The following RAB3C variants were observed in gnomAD, a reference collection of about 807,000 sequenced individuals.
RAB3C encodes ras-related protein Rab-3C.
A neutral mutation model predicts 26.4 loss-of-function variants in RAB3C; 17 were observed. The observed-to-expected ratio is 0.64, with a 90% CI of 0.44 to 0.97. RAB3C has a LOEUF of 0.97. Ranked by LOEUF, RAB3C falls within the 50% of genes least tolerant of loss-of-function variation. The probability of loss-of-function intolerance (pLI) is 0.00; values close to 1 mark genes in which losing one functional copy is unlikely to be tolerated. For missense variants in RAB3C, 242 were observed against 281.9 expected, an observed-to-expected ratio of 0.86 and a Z score of 1.01; for synonymous variants, 91 against 95.9, an observed-to-expected ratio of 0.95 and a Z score of 0.30.
At chr5:58,587,100 T>C in intron 1 of RAB3C, among the ~76,000 whole-genome samples, 1 of 152,138 alleles carries the variant, frequency 6.6e-6, no homozygotes, top group Middle Eastern at 3.2e-3. Context: ...AAGTATCCAC[T>C]TTTCTTCTGT....
chr5:58,754,035 G>A (rs902054766), intron 3 of RAB3C, among the ~76,000 whole-genome samples: 3 of 152,110 alleles, frequency 2.0e-5, no homozygotes, highest in Non-Finnish European at 4.4e-5. Flanking sequence ...GTTGGAAGTC[G>A]GAGACAGCAA....
At chr5:58,715,585 G>A (rs1749153685) in intron 2 of RAB3C, among the ~76,000 whole-genome samples, 1 of 151,992 alleles carries the variant, frequency 6.6e-6, no homozygotes, top group Non-Finnish European at 1.5e-5. Flanking sequence ...ATTGACTTTA[G>A]TTTTTTGCAC....
intron 3 of RAB3C, among the ~76,000 whole-genome samples, chr5:58,754,416 A>G (rs1279698717): frequency 6.6e-6 from 1 of 152,154 alleles, no homozygotes; most frequent in Non-Finnish European, 1.5e-5. Context: ...TAGCTTGCAT[A>G]TATTAGGCAT....
At chr5:58,721,397 G>T (rs912192137) in intron 2 of RAB3C, among the ~76,000 whole-genome samples, 5 of 151,504 alleles carry the variant, frequency 3.3e-5, no homozygotes, top group Non-Finnish European at 7.4e-5. Context: ...TGGAAAATCA[G>T]CAAGTATAAC....
intron 2 of RAB3C, among the ~76,000 whole-genome samples, chr5:58,724,834 A>C (rs1740850723): frequency 1.3e-5 from 2 of 151,752 alleles, no homozygotes; most frequent in South Asian, 4.1e-4. Context: ...TCTGCACTTT[A>C]ACTCCATCCT....
At chr5:58,626,956 C>T (rs1311544979) in intron 2 of RAB3C, among the ~76,000 whole-genome samples, 1 of 152,128 alleles carries the variant, frequency 6.6e-6, no homozygotes, top group Admixed American at 6.5e-5. Context: ...CTCTCTGGAT[C>T]ACCTGGATTG....
intron 1 of RAB3C, among the ~76,000 whole-genome samples, chr5:58,607,737 GAA>G (rs1746603938): frequency 6.6e-6 from 1 of 152,260 alleles, no homozygotes; most frequent in South Asian, 2.1e-4. Context: ...CTACAAGTGA[GAA>G]GAGAGTGGGG....
rs182233230 is a variant in RAB3C, at chr5:58,710,537, T to G, written c.253-15465T>G. Among the ~76,000 whole-genome samples, 216 of 151,580 alleles carry G rather than the reference T, an allele frequency of 1.4e-3. 1 individual carries two copies. The highest frequency in any genetic ancestry group is 4.9e-3 in the African/African-American group (203 of 41,290). ...TTGCCTGAGTCTGGGAGGCGGAGGT[T>G]GCAGTGAGCCGAGATCACGCCACTG... On this transcript the variant is annotated intron_variant, in intron 2 of 4. Transcript: ENST00000282878.
At chr5:58,688,826 C>G (rs1748501393) in intron 2 of RAB3C, among the ~76,000 whole-genome samples, 1 of 152,092 alleles carries the variant, frequency 6.6e-6, no homozygotes, top group Non-Finnish European at 1.5e-5. Context: ...TAGAAATGGT[C>G]TCTTGATGGA....
At chr5:58,837,047 A>AT (rs1561147356) in intron 4 of RAB3C, among the ~76,000 whole-genome samples, 1 of 152,036 alleles carries the variant, frequency 6.6e-6, no homozygotes, top group Non-Finnish European at 1.5e-5. Context: ...AACATTTGTT[A>AT]TTTTTTGTGT....
chr5:58,620,104 A>G (rs1035039754), intron 2 of RAB3C, among the ~76,000 whole-genome samples: 17 of 151,998 alleles, frequency 1.1e-4, no homozygotes, highest in African/African-American at 4.1e-4. Flanking sequence ...CTTTAAGTCT[A>G]TAGACAGTCA....
At chr5:58,769,427 A>G (rs995206674) in intron 3 of RAB3C, among the ~76,000 whole-genome samples, 8 of 152,156 alleles carry the variant, frequency 5.3e-5, no homozygotes, top group Non-Finnish European at 1.0e-4. Flanking sequence ...GGCAGTGTGC[A>G]CTGAACATGT....
chr5:58,768,405 G>A (rs1033293148), intron 3 of RAB3C, among the ~76,000 whole-genome samples: 3 of 150,180 alleles, frequency 2.0e-5, no homozygotes, highest in African/African-American at 4.9e-5. Context: ...AACAAATATT[G>A]TTGAGTGCCT....
chr5:58,596,526 T>G (rs1235340566), intron 1 of RAB3C, among the ~76,000 whole-genome samples: 1 of 133,468 alleles, frequency 7.5e-6, no homozygotes, highest in African/African-American at 2.8e-5. Context: ...TAATACATAT[T>G]ATATATAAAT....
chr5:58,681,630 A>AAG (rs1194937399), intron 2 of RAB3C, among the ~76,000 whole-genome samples: 1 of 152,204 alleles, frequency 6.6e-6, no homozygotes, highest in Non-Finnish European at 1.5e-5. Flanking sequence ...AGCCACAGTG[A>AAG]AGAGAGAGGA....
chr5:58,708,736 T>A (rs1433385526), intron 2 of RAB3C, among the ~76,000 whole-genome samples: 1 of 152,254 alleles, frequency 6.6e-6, no homozygotes, highest in Non-Finnish European at 1.5e-5. Flanking sequence ...AACAGTCATG[T>A]TGTCAGTGAA....
chr5:58,582,486 T>TTG (rs1745919742), upstream of RAB3C: 1 of 905,740 alleles, frequency 1.1e-6, no homozygotes, highest in Non-Finnish European at 1.3e-6. Context: ...GGTGTGCGGG[T>TTG]TGTGTGTGTG....
chr5:58,681,556 G>C (rs547293390), intron 2 of RAB3C, among the ~76,000 whole-genome samples: 196 of 152,278 alleles, frequency 1.3e-3, no homozygotes, highest in African/African-American at 4.3e-3. Context: ...TACTTTTGCT[G>C]TTCTGTTACC....
At chr5:58,677,191 T>C (rs1748247383) in intron 2 of RAB3C, among the ~76,000 whole-genome samples, 1 of 152,220 alleles carries the variant, frequency 6.6e-6, no homozygotes, top group African/African-American at 2.4e-5. Flanking sequence ...ACTAGTCATA[T>C]TGGATTAAGG....
Sources: gnomAD v4.1 joint callset for allele counts (sites outside exome capture counted in the v4.1 genomes callset) on GRCh38, gnomAD v4.1.1 for gene constraint, MANE v1.5 for transcripts, NCBI Gene and HGNC (gene_info 2026-07-23, HGNC 2026-07-21) for gene names.